Variants in ACOD1 observed in about 807,000 individuals in gnomAD.
ACOD1 encodes aconitate decarboxylase 1.
In ACOD1, 14 loss-of-function variants were observed where a neutral mutation model predicts 14.2. The observed-to-expected ratio is 0.99, with a 90% CI of 0.65 to 1.54. The LOEUF is 1.54. ACOD1 is among the 40% of genes most tolerant of loss of function. The pLI, the probability that ACOD1 is intolerant of heterozygous loss-of-function variation, is 0.00. For synonymous variants in ACOD1, 182 were observed against 221.7 expected, an observed-to-expected ratio of 0.82 and a Z score of 1.59; for missense variants, 530 against 586.3, an observed-to-expected ratio of 0.90 and a Z score of 0.99.
chr13:76,949,179 A>G (rs560240932), intron 1 of ACOD1, among the ~76,000 whole-genome samples: 167 of 152,110 alleles, frequency 1.1e-3, no homozygotes, highest in Non-Finnish European at 1.4e-3. Flanking sequence ...AGGCAGGAGA[A>G]TGGCGTGAAC....
chr13:76,954,162 C>T (rs2033849783), intron 3 of ACOD1, among the ~76,000 whole-genome samples: 2 of 152,020 alleles, frequency 1.3e-5, no homozygotes, highest in Non-Finnish European at 2.9e-5. Context: ...TCTCATCTGA[C>T]AGATGATTTT....
At chr13:76,948,951 A>AG (rs2033795474) in intron 1 of ACOD1, among the ~76,000 whole-genome samples, 1 of 152,206 alleles carries the variant, frequency 6.6e-6, no homozygotes, top group Non-Finnish European at 1.5e-5. Flanking sequence ...TTGAGAGCTT[A>AG]GAACAGTGCT....
Position 76,958,098 on chromosome 13 carries a change from T to C in ACOD1, c.*113T>C. ...GAAAAATGAACAAAGATGGAGAGAG[T>C]CCAGAAACAGAACTACATATATCTG... On this transcript the variant is annotated 3_prime_UTR_variant, in exon 5 of 5. Transcript: ENST00000377462. 2 of 1,091,898 alleles carry C rather than the reference T, an allele frequency of 1.8e-6. No homozygotes were observed. The highest frequency in any genetic ancestry group is 2.5e-6 in the Non-Finnish European group (2 of 791,262). 67.6% of individuals were successfully genotyped at this position (1,091,898 alleles called of 1,614,324 possible).
In ACOD1 at chr13:76,958,503, C is replaced by T. The variant is rs1035955534; in HGVS notation, c.*518C>T. 6.5e-6 allele frequency: 1 copy of T among 152,696 alleles called. No homozygotes were observed. Among genetic ancestry groups the T allele is most frequent in the Non-Finnish European group, 1.5e-5 (1 of 68,464 alleles). The allele number at this position is 152,696 out of a possible 1,614,324, so 9.5% of individuals were successfully genotyped here. Reference sequence around the variant, plus strand: ...CCTTGAGCATGTTACCATTAGCCCTCTGCCTCAGTTTCCCTATTTGTCAAG... The same window carrying T: ...CCTTGAGCATGTTACCATTAGCCCTTTGCCTCAGTTTCCCTATTTGTCAAG... On this transcript the variant is annotated 3_prime_UTR_variant, in exon 5 of 5. Transcript: ENST00000377462.
Position 76,953,631 on chromosome 13 carries a change from G to T in ACOD1, c.206G>T (p.Trp69Leu). ...IYSSNISSTV[W>L]GQPDIRLPPT... is the part of the protein sequence containing the mutation. ...AGTTCCAACATATCCAGCACTGTTT[G>T]GGGTCAGCCAGACATCAGGCTCCCG... is the stretch of plus-strand genomic sequence containing the variant. Residue 69 changes from tryptophan (W) to leucine (L), a missense_variant, in exon 3 of 5, where the codon TGG (tryptophan) becomes TTG (leucine). Transcript: ENST00000377462. 6.5e-7 allele frequency: 1 copy of T among 1,549,920 alleles called. No homozygotes were observed. The highest frequency in any genetic ancestry group is 8.7e-7 in the Non-Finnish European group (1 of 1,146,152).
Position 76,953,658 on chromosome 13 carries a change from C to T in ACOD1, c.233C>T (p.Pro78Leu). The T allele has an allele frequency of 6.5e-7, 1 of 1,548,996 alleles. No homozygotes were observed. Among genetic ancestry groups the T allele is most frequent in the Non-Finnish European group, 8.7e-7 (1 of 1,145,322 alleles). The change falls in exon 3 of 5, where the codon CCC becomes CTC. Residue 78 changes from proline to leucine, a missense_variant. Transcript: ENST00000377462. ...GGTCAGCCAGACATCAGGCTCCCGC[C>T]CACATATGCTGCTTTTGTGAACGGT... is the stretch of plus-strand genomic sequence containing the variant. ...VWGQPDIRLPPTYAAFVNGVA... is the reference protein window; with the variant it reads ...VWGQPDIRLPLTYAAFVNGVA...
intron 4 of ACOD1, among the ~76,000 whole-genome samples, chr13:76,956,525 AT>A (rs1352370425): frequency 2.0e-5 from 3 of 151,180 alleles, no homozygotes; most frequent in East Asian, 3.9e-4. Context: ...TTATTATTAT[AT>A]TTTTTTGAGA....
At position 76,957,831 on chromosome 13, in the gene ACOD1, C is replaced by T; in HGVS notation, c.1292C>T (p.Ser431Phe). The change falls in exon 5 of 5, where the codon TCC (serine) becomes TTC (phenylalanine). Residue 431 changes from serine (S) to phenylalanine (F), a missense_variant. Physicochemically the swap from Ser to Phe is radical, Grantham distance 155. Coordinates refer to ENST00000377462, the MANE Select transcript of ACOD1 (RefSeq NM_001258406.2). ...AGAGCCAATGCCTCCAAGATGCTGT[C>T]CTGGGACACAGTGGAAAGCCTTATA... ...KFRANASKMLSWDTVESLIKI... is the reference protein window; with the variant it reads ...KFRANASKMLFWDTVESLIKI... The T allele has an allele frequency of 6.4e-7, 1 of 1,551,082 alleles. No individual in the cohort carries two copies. The highest frequency in any genetic ancestry group is 2.4e-5 in the East Asian group (1 of 40,924).
rs2033844551 is a variant in ACOD1 at position 76,953,622 on chromosome 13, G to A, written c.197G>A (p.Ser66Asn). ...YSKIYSSNIS[S>N]TVWGQPDIRL... Reference sequence around the variant, plus strand: ...CAGATCTACAGTTCCAACATATCCAGCACTGTTTGGGGTCAGCCAGACATC... The same window carrying A: ...CAGATCTACAGTTCCAACATATCCAACACTGTTTGGGGTCAGCCAGACATC... Residue 66 changes from serine to asparagine, a missense_variant, in exon 3 of 5, where the codon AGC (serine) becomes AAC (asparagine). Ser to Asn is a conservative substitution (Grantham distance 46, BLOSUM62 1). Coordinates refer to ENST00000377462, the MANE Select transcript of ACOD1 (RefSeq NM_001258406.2). 3.2e-6 allele frequency: 5 copies of A among 1,548,856 alleles called. No homozygotes were observed. The highest frequency in any genetic ancestry group is 4.4e-6 in the Non-Finnish European group (5 of 1,145,212).
intron 1 of ACOD1, among the ~76,000 whole-genome samples, chr13:76,950,529 G>T (rs2033811960): frequency 6.6e-6 from 1 of 152,188 alleles, no homozygotes; most frequent in African/African-American, 2.4e-5. Context: ...TAGCTTATGG[G>T]TAGAAGCAGA....
chr13:76,955,958 A>T (rs778179565), intron 4 of ACOD1, among the ~76,000 whole-genome samples: 2 of 152,212 alleles, frequency 1.3e-5, no homozygotes, highest in Non-Finnish European at 2.9e-5. Context: ...TTATGTTGCC[A>T]CTTGCTCCAG....
In ACOD1 at chr13:76,952,534, G is replaced by A. The variant is rs1566205898; in HGVS notation, c.58G>A (p.Gly20Arg). The change falls in exon 2 of 5, where the codon GGA (glycine) becomes AGA (arginine). Residue 20 changes from glycine (G) to arginine (R), a missense_variant. Gly to Arg is a moderately radical substitution (Grantham distance 125, BLOSUM62 -2). Coordinates refer to ENST00000377462, the MANE Select transcript of ACOD1 (RefSeq NM_001258406.2). ...CACAGCAATCCATGGCTTGAAAGTG[G>A]GACACCTGACAGATCGTGTTATTCA... ...FATAIHGLKVGHLTDRVIQRS... is the reference protein window; with the variant it reads ...FATAIHGLKVRHLTDRVIQRS... 1.3e-6 allele frequency: 2 copies of A among 1,550,354 alleles called. No homozygotes were observed. The highest frequency in any genetic ancestry group is 4.9e-5 in the East Asian group (2 of 40,878).
intron 2 of ACOD1, among the ~76,000 whole-genome samples, chr13:76,952,866 C>A (rs1468655190): frequency 6.6e-6 from 1 of 152,202 alleles, no homozygotes; most frequent in Non-Finnish European, 1.5e-5. Context: ...GGCACAGTGG[C>A]TCATATCTGT....
chr13:76,951,234 T>C (rs981611204), intron 1 of ACOD1, among the ~76,000 whole-genome samples: 7 of 152,208 alleles, frequency 4.6e-5, no homozygotes, highest in South Asian at 4.1e-4. Context: ...TATCAATATA[T>C]TGAATTTTTT....
intron 1 of ACOD1, among the ~76,000 whole-genome samples, chr13:76,952,230 C>CCTGTGCTTG (rs1341083918): frequency 6.6e-6 from 1 of 152,084 alleles, no homozygotes; most frequent in African/African-American, 2.4e-5. Flanking sequence ...AATGCTGTGT[C>CCTGTGCTTG]CTGTGCTTGC....
intron 1 of ACOD1, among the ~76,000 whole-genome samples, chr13:76,951,837 C>T (rs2033824695): frequency 6.6e-6 from 1 of 152,128 alleles, no homozygotes; most frequent in East Asian, 1.9e-4. Flanking sequence ...GAGTGGGGAC[C>T]AGAAATGTTC....
intron 1 of ACOD1, 81 bp downstream of exon 1, chr13:76,948,651 T>C: frequency 1.7e-6 from 2 of 1,157,632 alleles, no homozygotes; most frequent in Non-Finnish European, 2.5e-6. Flanking sequence ...AGTTGCCCTC[T>C]CCTTTTAAGA....
At chr13:76,948,663 C>T (rs895064290) in intron 1 of ACOD1, 93 bp downstream of exon 1, 2 of 1,002,450 alleles carry the variant, frequency 2.0e-6, no homozygotes, top group Non-Finnish European at 3.0e-6. Flanking sequence ...CTTTTAAGAA[C>T]TACCTGCTTC....
At chr13:76,951,568 A>G (rs991437759) in intron 1 of ACOD1, among the ~76,000 whole-genome samples, 2 of 152,236 alleles carry the variant, frequency 1.3e-5, no homozygotes, top group Non-Finnish European at 2.9e-5. Flanking sequence ...CATGCAATCA[A>G]TATTTTTAAA....
Sources: allele counts gnomAD v4.1 joint callset (sites outside exome capture counted in the v4.1 genomes callset), GRCh38; gene constraint gnomAD v4.1.1; transcripts MANE v1.5; gene names NCBI Gene and HGNC (gene_info 2026-07-23, HGNC 2026-07-21).